OPCML: variants seen among roughly 807,000 people sequenced by gnomAD.
The protein encoded by OPCML is opioid binding protein/cell adhesion molecule like.
OPCML carries 13 observed loss-of-function variants against 37.8 expected under a neutral mutation model. The observed-to-expected ratio is 0.34, with a 90% CI of 0.22 to 0.55. The LOEUF (loss-of-function observed/expected upper bound fraction) is 0.55, where lower values mean the gene tolerates loss of function less well. Ranked by LOEUF, OPCML falls within the 20% of genes least tolerant of loss-of-function variation. OPCML has a pLI of 0.91. For missense variants in OPCML, 341 were observed against 435.6 expected (o/e 0.78, Z 1.93); for synonymous variants, 176 against 168.8 (o/e 1.04, Z -0.33).
chr11:132,816,378 A>T (rs890094290), intron 2 of OPCML, among the ~76,000 whole-genome samples: 2 of 152,232 alleles, frequency 1.3e-5, no homozygotes, highest in Non-Finnish European at 2.9e-5. Context: ...ATGTAAGTGA[A>T]TGTGACTGTG....
At chr11:133,437,875 C>T (rs1371080915) in intron 1 of OPCML, among the ~76,000 whole-genome samples, 1 of 152,012 alleles carries the variant, frequency 6.6e-6, no homozygotes, top group African/African-American at 2.4e-5. Context: ...ACCTATACTC[C>T]ACACCCTGGC....
At chr11:132,799,773 G>T (rs1370536676) in intron 2 of OPCML, among the ~76,000 whole-genome samples, 5 of 151,996 alleles carry the variant, frequency 3.3e-5, no homozygotes, top group Admixed American at 3.3e-4. Context: ...TCAGTAAAAT[G>T]AAGGATGCCT....
chr11:133,291,940 T>C (rs1942489740), intron 1 of OPCML, among the ~76,000 whole-genome samples: 1 of 152,256 alleles, frequency 6.6e-6, no homozygotes, highest in Non-Finnish European at 1.5e-5. Flanking sequence ...GATTCTGCAG[T>C]CTGTGAAGGC....
At chr11:132,961,281 T>C (rs762554136) in intron 1 of OPCML, among the ~76,000 whole-genome samples, 6 of 152,152 alleles carry the variant, frequency 3.9e-5, no homozygotes, top group Non-Finnish European at 7.3e-5. Context: ...CGTAGAAGAA[T>C]GGATTCTAAG....
chr11:133,218,537 T>G (rs1460987263), intron 1 of OPCML, among the ~76,000 whole-genome samples: 3 of 152,164 alleles, frequency 2.0e-5, no homozygotes, highest in Non-Finnish European at 4.4e-5. Flanking sequence ...ACAAAGACGG[T>G]GAACTAGTGT....
chr11:132,727,942 G>T (rs1944944532), intron 2 of OPCML, among the ~76,000 whole-genome samples: 1 of 152,182 alleles, frequency 6.6e-6, no homozygotes, highest in South Asian at 2.1e-4. Context: ...TCCTCTGCCG[G>T]GTAAGCTGGG....
At chr11:132,647,701 G>C (rs1271848333) in intron 3 of OPCML, among the ~76,000 whole-genome samples, 1 of 152,080 alleles carries the variant, frequency 6.6e-6, no homozygotes, top group Non-Finnish European at 1.5e-5. Context: ...GGAAGAGGAG[G>C]GGTAGGTCTT....
chr11:133,403,864 T>A (rs1264424762), intron 1 of OPCML, among the ~76,000 whole-genome samples: 2 of 152,202 alleles, frequency 1.3e-5, no homozygotes, highest in African/African-American at 4.8e-5. Context: ...AACAAGTGTA[T>A]GTTGGCCAAG....
intron 4 of OPCML, among the ~76,000 whole-genome samples, chr11:132,453,633 C>CA (rs1347906760): frequency 1.3e-5 from 2 of 152,112 alleles, no homozygotes; most frequent in Admixed American, 6.5e-5. Context: ...AGAAATAACC[C>CA]AAAAAATGCA....
intron 1 of OPCML, among the ~76,000 whole-genome samples, chr11:132,973,553 C>T (rs1946389893): frequency 6.6e-6 from 1 of 152,172 alleles, no homozygotes; most frequent in Non-Finnish European, 1.5e-5. Flanking sequence ...ACAAACTTGT[C>T]ATCAAATTCC....
Position 133,496,322 on chromosome 11 carries a change from A to G in OPCML, c.61+35942T>C, listed in dbSNP as rs189337817. 2.4e-3 allele frequency among the ~76,000 whole-genome samples: 370 copies of G among 152,284 alleles called. 3 individuals are homozygous for G. Among genetic ancestry groups the G allele is most frequent in the Non-Finnish European group, 4.5e-3 (305 of 68,022 alleles). On this transcript the variant is annotated intron_variant, in intron 1 of 7. Transcript: ENST00000524381. ...CTATGGCCTAATAGTACAGTTTGAA[A>G]TCAGGTAGTGTGACGCCTCCAGATT...
intron 1 of OPCML, among the ~76,000 whole-genome samples, chr11:133,043,418 T>C (rs923311680): frequency 1.3e-5 from 2 of 152,190 alleles, no homozygotes; most frequent in African/African-American, 4.8e-5. Flanking sequence ...CATCAGCCCC[T>C]CTGCTCCTCA....
chr11:133,243,694 G>A (rs184438921), intron 1 of OPCML, among the ~76,000 whole-genome samples: 7 of 152,328 alleles, frequency 4.6e-5, no homozygotes, highest in African/African-American at 7.2e-5. Flanking sequence ...TTTTGCAGGG[G>A]ATCTGGGAGT....
At chr11:132,676,608 C>T (rs557512544) in intron 2 of OPCML, among the ~76,000 whole-genome samples, 2 of 151,426 alleles carry the variant, frequency 1.3e-5, no homozygotes, top group East Asian at 3.9e-4. Context: ...ATCCAGACAA[C>T]CCAATTTAAA....
intron 3 of OPCML, among the ~76,000 whole-genome samples, chr11:132,555,666 A>G (rs2096393791): frequency 6.6e-6 from 1 of 152,082 alleles, no homozygotes; most frequent in Non-Finnish European, 1.5e-5. Context: ...TGAAGAAAGG[A>G]GGGGATGAAT....
intron 1 of OPCML, among the ~76,000 whole-genome samples, chr11:133,354,995 G>A (rs755025673): frequency 3.3e-5 from 5 of 152,146 alleles, no homozygotes; most frequent in African/African-American, 1.2e-4. Flanking sequence ...GGAATAAAAA[G>A]AAAATGACTA....
chr11:132,737,183 G>T, intron 2 of OPCML, among the ~76,000 whole-genome samples: 1 of 152,152 alleles, frequency 6.6e-6, no homozygotes, highest in East Asian at 1.9e-4. Context: ...TTTGCAAGGA[G>T]GTCAAAGTTT....
chr11:132,863,511 C>T (rs12793158), intron 2 of OPCML, among the ~76,000 whole-genome samples: 21,246 of 152,100 alleles, frequency 0.14, 1,707 homozygotes, highest in Non-Finnish European at 0.18. Context: ...CTTTCTGGAG[C>T]CCTCCTGTCT....
At chr11:132,625,618 T>G (rs564859211) in intron 3 of OPCML, among the ~76,000 whole-genome samples, 1 of 152,294 alleles carries the variant, frequency 6.6e-6, no homozygotes, top group African/African-American at 2.4e-5. Flanking sequence ...CTTTCCTATG[T>G]GCTAACACGT....
Sources: gnomAD v4.1 joint callset for allele counts (sites outside exome capture counted in the v4.1 genomes callset) on GRCh38, gnomAD v4.1.1 for gene constraint, MANE v1.5 for transcripts, NCBI Gene and HGNC (gene_info 2026-07-23, HGNC 2026-07-21) for gene names.